Variants in RAP1GDS1 observed in about 807,000 individuals in gnomAD.
RAP1GDS1 encodes RAP1, GTP-GDP dissociation stimulator 1.
In RAP1GDS1, 35 loss-of-function variants were observed where a neutral mutation model predicts 71.1. That is an observed-to-expected ratio of 0.49 (90% CI 0.38 to 0.65). The LOEUF is 0.65. Among genes scored for constraint, RAP1GDS1 ranks in the 30% least tolerant of loss-of-function variants. The pLI is 0.00. For synonymous variants in RAP1GDS1, 229 were observed against 243.1 expected (o/e 0.94, Z 0.54); for missense variants, 663 against 706.1 (o/e 0.94, Z 0.69).
At chr4:98,276,485 T>C (rs1401256225) in intron 1 of RAP1GDS1, among the ~76,000 whole-genome samples, 7 of 130,710 alleles carry the variant, frequency 5.4e-5, no homozygotes, top group Non-Finnish European at 9.5e-5. Context: ...TTACATACCC[T>C]TTTTTTTTTT....
chr4:98,396,271 G>A (rs1744535880), intron 6 of RAP1GDS1: 1 of 152,114 alleles, frequency 6.6e-6, no homozygotes. Context: ...GTTTTCATTG[G>A]ACAAATAAGG....
chr4:98,314,485 A>G (rs1467095183), intron 2 of RAP1GDS1, among the ~76,000 whole-genome samples: 2 of 152,170 alleles, frequency 1.3e-5, no homozygotes, highest in African/African-American at 4.8e-5. Flanking sequence ...ACATCAATAC[A>G]TGTAACTTGC....
chr4:98,415,039 A>C (rs1747727292), intron 7 of RAP1GDS1, among the ~76,000 whole-genome samples: 1 of 152,162 alleles, frequency 6.6e-6, no homozygotes, highest in Admixed American at 6.5e-5. Flanking sequence ...GTGTATAAGA[A>C]TGCTTGTGAT....
At chr4:98,435,773 C>T (rs1025038370) in intron 13 of RAP1GDS1, among the ~76,000 whole-genome samples, 1 of 151,740 alleles carries the variant, frequency 6.6e-6, no homozygotes, top group Non-Finnish European at 1.5e-5. Context: ...ACATTTAAGT[C>T]TGTAATCCAT....
At chr4:98,323,976 T>G (rs1352097958) in intron 2 of RAP1GDS1, among the ~76,000 whole-genome samples, 1 of 147,370 alleles carries the variant, frequency 6.8e-6, no homozygotes, top group East Asian at 2.0e-4. Flanking sequence ...AAAGAGGAAG[T>G]CAAATTGTCC....
chr4:98,292,144 A>T, intron 1 of RAP1GDS1, among the ~76,000 whole-genome samples: 1 of 149,824 alleles, frequency 6.7e-6, no homozygotes, highest in Non-Finnish European at 1.5e-5. Flanking sequence ...TTTTTTTTTA[A>T]GAGATAGGGT....
chr4:98,368,742 A>G (rs1302699831), intron 4 of RAP1GDS1, among the ~76,000 whole-genome samples: 1 of 152,162 alleles, frequency 6.6e-6, no homozygotes, highest in Non-Finnish European at 1.5e-5. Context: ...TGTTTCATAG[A>G]ATAGGGCTTA....
chr4:98,432,450 G>C (rs998834012), intron 12 of RAP1GDS1, among the ~76,000 whole-genome samples: 2 of 152,264 alleles, frequency 1.3e-5, no homozygotes, highest in Non-Finnish European at 2.9e-5. Context: ...TGAGTAAACA[G>C]TAAATTGGGG....
At chr4:98,275,018 C>CTG (rs3974887) in intron 1 of RAP1GDS1, among the ~76,000 whole-genome samples, 9,524 of 144,792 alleles carry the variant, frequency 0.066, 330 homozygotes, top group African/African-American at 0.095. Context: ...TTGTTTGCAG[C>CTG]TGTGTGTGTG....
chr4:98,386,056 A>T lies in RAP1GDS1; in HGVS notation c.509-5896A>T, dbSNP rs573083176. ...GCAACAGCTGGCAGTAGTCCTCTTT[A>T]AAAAAAAAAAAGACATTTAACTTAA... is the stretch of plus-strand genomic sequence containing the variant. On this transcript the variant is annotated intron_variant, in intron 5 of 14. Coordinates refer to ENST00000408927, the MANE Select transcript of RAP1GDS1 (RefSeq NM_001100427.2). Among the ~76,000 whole-genome samples the T allele has an allele frequency of 4.6e-3, 580 of 126,212 alleles. 6 individuals are homozygous for T. Among genetic ancestry groups the T allele is most frequent in the African/African-American group, 0.022 (554 of 25,608 alleles). The allele number at this position is 126,212 out of a possible 152,430, so 82.8% of individuals were successfully genotyped here.
chr4:98,280,683 C>G (rs1231385279), intron 1 of RAP1GDS1, among the ~76,000 whole-genome samples: 3 of 151,818 alleles, frequency 2.0e-5, no homozygotes, highest in African/African-American at 7.2e-5. Flanking sequence ...AAGTCCTTGC[C>G]CATGCCTATG....
chr4:98,391,890 T>G, intron 5 of RAP1GDS1, 62 bp from the exon 6 acceptor site: 1 of 1,434,794 alleles, frequency 7.0e-7, no homozygotes, highest in South Asian at 1.4e-5. Flanking sequence ...TTTCTTCTTA[T>G]AATGTTCATT....
At chr4:98,434,801 T>G (rs935524599) in intron 13 of RAP1GDS1, among the ~76,000 whole-genome samples, 32 of 152,022 alleles carry the variant, frequency 2.1e-4, no homozygotes, top group African/African-American at 4.8e-4. Context: ...TTGTATGTTT[T>G]GTAGAGACAG....
At chr4:98,293,633 A>C (rs1371986531) in intron 2 of RAP1GDS1, 118 bp downstream of exon 2, 1 of 736,422 alleles carries the variant, frequency 1.4e-6, no homozygotes, top group Non-Finnish European at 2.3e-6. Context: ...ATTCTTTTGA[A>C]TCATATCCCT....
intron 2 of RAP1GDS1, among the ~76,000 whole-genome samples, chr4:98,340,743 C>T (rs558576116): frequency 5.9e-5 from 9 of 151,412 alleles, no homozygotes; most frequent in Middle Eastern, 3.4e-3. Flanking sequence ...AGCAAGACTC[C>T]GTCTCAAAAA....
At chr4:98,411,298 A>G (rs1747031594) in intron 7 of RAP1GDS1, among the ~76,000 whole-genome samples, 1 of 152,202 alleles carries the variant, frequency 6.6e-6, no homozygotes. Flanking sequence ...AATTGTGAGA[A>G]GAGATTATCT....
intron 2 of RAP1GDS1, among the ~76,000 whole-genome samples, chr4:98,340,667 T>C (rs918144716): frequency 3.9e-5 from 6 of 152,072 alleles, no homozygotes; most frequent in African/African-American, 1.4e-4. Context: ...GAGAATCACT[T>C]GAACCCAAGA....
At chr4:98,319,420 A>G (rs917827275) in intron 2 of RAP1GDS1, among the ~76,000 whole-genome samples, 1 of 152,134 alleles carries the variant, frequency 6.6e-6, no homozygotes, top group African/African-American at 2.4e-5. Context: ...TGTAATATGT[A>G]TTGGTTTACT....
intron 1 of RAP1GDS1, among the ~76,000 whole-genome samples, chr4:98,264,268 C>T (rs1426984028): frequency 1.3e-5 from 2 of 151,960 alleles, no homozygotes; most frequent in African/African-American, 2.4e-5. Flanking sequence ...TGGTGGCGGG[C>T]GCCTGTAATC....
Sources: gnomAD v4.1 joint callset for allele counts (sites outside exome capture counted in the v4.1 genomes callset) on GRCh38, gnomAD v4.1.1 for gene constraint, MANE v1.5 for transcripts, NCBI Gene and HGNC (gene_info 2026-07-23, HGNC 2026-07-21) for gene names.